HS6ST3: variants seen among roughly 807,000 people sequenced by gnomAD.
HS6ST3 encodes the protein heparan-sulfate 6-O-sulfotransferase 3.
In HS6ST3, 12 loss-of-function variants were observed where a neutral mutation model predicts 36.7. The observed-to-expected ratio is 0.33, with a 90% CI of 0.21 to 0.53. The LOEUF (loss-of-function observed/expected upper bound fraction) is 0.53. Ranked by LOEUF, HS6ST3 falls within the 20% of genes least tolerant of loss-of-function variation. The pLI is 0.95. For synonymous variants in HS6ST3, 240 were observed against 257.5 expected, an observed-to-expected ratio of 0.93 and a Z score of 0.65; for missense variants, 584 against 640.9, an observed-to-expected ratio of 0.91 and a Z score of 0.96.
chr13:96,664,385 A>G (rs1240640688), intron 1 of HS6ST3, among the ~76,000 whole-genome samples: 1 of 152,152 alleles, frequency 6.6e-6, no homozygotes, highest in Non-Finnish European at 1.5e-5. Context: ...GAGTTTAACC[A>G]TATGTCATTT....
chr13:96,137,219 G>T (rs2054007008), intron 1 of HS6ST3, among the ~76,000 whole-genome samples: 1 of 117,372 alleles, frequency 8.5e-6, no homozygotes, highest in Non-Finnish European at 1.6e-5. Flanking sequence ...GATTAATTTT[G>T]CCTGTCCTTG....
chr13:96,393,373 T>TA (rs1467248680), intron 1 of HS6ST3, among the ~76,000 whole-genome samples: 6 of 152,160 alleles, frequency 3.9e-5, no homozygotes, highest in Non-Finnish European at 5.9e-5. Context: ...AGGAAACTAT[T>TA]AAATGTGTGA....
At chr13:96,386,508 A>G (rs9300345) in intron 1 of HS6ST3, among the ~76,000 whole-genome samples, 51,304 of 151,980 alleles carry the variant, frequency 0.34, 9,383 homozygotes, top group Non-Finnish European at 0.42. Context: ...ACAACTAAAA[A>G]TTGTATATTG....
chr13:96,175,066 A>G (rs1487312713), intron 1 of HS6ST3, among the ~76,000 whole-genome samples: 2 of 152,150 alleles, frequency 1.3e-5, no homozygotes, highest in Non-Finnish European at 2.9e-5. Context: ...CATGCCTGTC[A>G]TTCTAGAATT....
chr13:96,504,576 AAGAG>A (rs1001489184), intron 1 of HS6ST3, among the ~76,000 whole-genome samples: 50 of 152,196 alleles, frequency 3.3e-4, no homozygotes, highest in African/African-American at 1.1e-3. Flanking sequence ...ATAAAAGTAA[AAGAG>A]AGAGGAAGAG....
At chr13:96,762,431 T>C (rs1876993262) in intron 1 of HS6ST3, among the ~76,000 whole-genome samples, 1 of 152,156 alleles carries the variant, frequency 6.6e-6, no homozygotes, top group Non-Finnish European at 1.5e-5. Context: ...AGTGAGCCGA[T>C]ACAGTGCCAC....
At chr13:96,155,877 T>A (rs1385129781) in intron 1 of HS6ST3, among the ~76,000 whole-genome samples, 2 of 152,216 alleles carry the variant, frequency 1.3e-5, no homozygotes, top group Non-Finnish European at 2.9e-5. Context: ...AACTTTTTTT[T>A]AAAGCTTACT....
chr13:96,673,615 G>C (rs545009949), intron 1 of HS6ST3, among the ~76,000 whole-genome samples: 1 of 151,924 alleles, frequency 6.6e-6, no homozygotes, highest in Non-Finnish European at 1.5e-5. Context: ...AATTCCTCTA[G>C]TCAGTTGTCG....
chr13:96,818,694 G>A (rs1202691165), intron 1 of HS6ST3, among the ~76,000 whole-genome samples: 5 of 152,232 alleles, frequency 3.3e-5, no homozygotes, highest in African/African-American at 9.6e-5. Context: ...TGAGAGAGGA[G>A]ACTAGTGCAC....
intron 1 of HS6ST3, among the ~76,000 whole-genome samples, chr13:96,810,645 G>A (rs1204665987): frequency 2.6e-5 from 4 of 152,174 alleles, no homozygotes; most frequent in Non-Finnish European, 2.9e-5. Flanking sequence ...CTTGGCTTCT[G>A]TCTAATGAAC....
chr13:96,590,477 G>T (rs1168175375), intron 1 of HS6ST3, among the ~76,000 whole-genome samples: 1 of 151,424 alleles, frequency 6.6e-6, no homozygotes, highest in African/African-American at 2.4e-5. Flanking sequence ...TTTTCCATTT[G>T]TATGTCTTCT....
At chr13:96,525,684 T>C (rs1391683691) in intron 1 of HS6ST3, among the ~76,000 whole-genome samples, 1 of 152,246 alleles carries the variant, frequency 6.6e-6, no homozygotes. Context: ...TGCCACCTAG[T>C]TAGAATGCTT....
intron 1 of HS6ST3, among the ~76,000 whole-genome samples, chr13:96,331,493 A>G (rs1265642373): frequency 5.9e-5 from 9 of 151,936 alleles, no homozygotes; most frequent in Non-Finnish European, 7.4e-5. Context: ...TAGGCTGCTC[A>G]GGGGTCAGGG....
At chr13:96,359,521 G>A (rs1262386212) in intron 1 of HS6ST3, among the ~76,000 whole-genome samples, 1 of 152,108 alleles carries the variant, frequency 6.6e-6, no homozygotes, top group African/African-American at 2.4e-5. Flanking sequence ...GAGCAGCTCG[G>A]TATCACCTGG....
intron 1 of HS6ST3, among the ~76,000 whole-genome samples, chr13:96,601,824 G>C (rs2056422702): frequency 1.3e-5 from 2 of 152,118 alleles, no homozygotes; most frequent in South Asian, 4.1e-4. Flanking sequence ...AGTATGTATA[G>C]TTTATGGTCA....
chr13:96,299,730 G>A (rs2054872261), intron 1 of HS6ST3, among the ~76,000 whole-genome samples: 1 of 152,132 alleles, frequency 6.6e-6, no homozygotes, highest in African/African-American at 2.4e-5. Flanking sequence ...AGTTTGCACT[G>A]AAGAAAAAAA....
intron 1 of HS6ST3, among the ~76,000 whole-genome samples, chr13:96,586,128 T>C (rs898727361): frequency 2.0e-5 from 3 of 152,224 alleles, no homozygotes; most frequent in Non-Finnish European, 4.4e-5. Flanking sequence ...GTTAGGACTT[T>C]TGCTAGTATT....
chr13:96,665,510 A>G (rs772634405), intron 1 of HS6ST3, among the ~76,000 whole-genome samples: 141 of 152,338 alleles, frequency 9.3e-4, no homozygotes, highest in Admixed American at 1.6e-3. Flanking sequence ...AGCTCACTGA[A>G]AAAATTATAT....
chr13:96,385,180 C>CAAAAAAAA (rs11317656), intron 1 of HS6ST3, among the ~76,000 whole-genome samples: 1 of 129,346 alleles, frequency 7.7e-6, no homozygotes, highest in Non-Finnish European at 1.6e-5. Context: ...ACTCTGTATC[C>CAAAAAAAA]AAAAAAAAAA....
Sources: allele counts gnomAD v4.1 joint callset (sites outside exome capture counted in the v4.1 genomes callset), GRCh38; gene constraint gnomAD v4.1.1; transcripts MANE v1.5; gene names NCBI Gene and HGNC (gene_info 2026-07-23, HGNC 2026-07-21).